The following COL14A1 variants were observed in gnomAD, a reference collection of about 807,000 sequenced individuals.
The protein encoded by COL14A1 is collagen type XIV alpha 1 chain, also known as collagen alpha-1(XIV) chain.
In COL14A1, 136 loss-of-function variants were observed where a neutral mutation model predicts 230.3. The ratio of observed to expected loss-of-function variants is 0.59; its 90% CI spans 0.51 to 0.68. The LOEUF (loss-of-function observed/expected upper bound fraction) is 0.68. Among genes scored for constraint, COL14A1 ranks in the 30% least tolerant of loss-of-function variants. The pLI is 0.00. For synonymous variants in COL14A1, 792 were observed against 784.1 expected, an observed-to-expected ratio of 1.01 and a Z score of -0.17; for missense variants, 1,976 against 2,215.8, an observed-to-expected ratio of 0.89 and a Z score of 2.17.
Position 120,226,699 on chromosome 8 carries a change from C to T in COL14A1, c.1937C>T (p.Pro646Leu). Residue 646 changes from proline (P) to leucine (L), a missense_variant, in exon 16 of 48, where the codon CCC (proline) becomes CTC (leucine). By Grantham distance (98) the Pro-to-Leu change is moderately conservative. Around this residue, in one of 3 missense-constraint regions of COL14A1, gnomAD observed 1,791 missense variants for 2,019.5 expected, o/e 0.89. Transcript: ENST00000297848. ...GACAGTTTTAGGGTGACCTGGCATC[C>T]CCTCTCAGCTGATGAAGGGCTACAC... ...TTDSFRVTWH[P>L]LSADEGLHKL... 6.2e-7 allele frequency: 1 copy of T among 1,613,750 alleles called. No homozygotes were observed. The highest frequency in any genetic ancestry group is 8.5e-7 in the Non-Finnish European group (1 of 1,179,772).
At chr8:120,244,932 A>T (rs1009897782) in intron 20 of COL14A1, among the ~76,000 whole-genome samples, 4 of 152,052 alleles carry the variant, frequency 2.6e-5, no homozygotes, top group African/African-American at 9.7e-5. Context: ...CCTTACAAAG[A>T]TCAACCTACC....
At chr8:120,326,560 G>A (rs1821676025) in intron 40 of COL14A1, among the ~76,000 whole-genome samples, 1 of 152,072 alleles carries the variant, frequency 6.6e-6, no homozygotes, top group Admixed American at 6.6e-5. Flanking sequence ...TTTATGAGAT[G>A]GAAAATGTGA....
rs994646696 is a variant in COL14A1 at position 120,212,630 on chromosome 8, G to A, written c.1597+53G>A. ...TGCTGTAGTAAAAGCCCACATGAAT[G>A]TGGGGATTCTGAATTGGAACTACTA... On this transcript the variant is annotated intron_variant, in intron 13 of 47. Coordinates refer to ENST00000297848, the MANE Select transcript of COL14A1 (RefSeq NM_021110.4). 5 of 1,602,354 alleles carry A rather than the reference G, an allele frequency of 3.1e-6. No homozygotes were observed. The East Asian group carries it at 6.7e-5, about 22-fold the overall frequency.
intron 19 of COL14A1, among the ~76,000 whole-genome samples, chr8:120,242,066 C>A (rs1818622958): frequency 6.6e-6 from 1 of 152,070 alleles, no homozygotes; most frequent in African/African-American, 2.4e-5. Flanking sequence ...ATAAAATTAC[C>A]TTCAGATTAT....
chr8:120,165,624 G>A (rs1815839298), intron 4 of COL14A1, among the ~76,000 whole-genome samples: 1 of 152,078 alleles, frequency 6.6e-6, no homozygotes, highest in Non-Finnish European at 1.5e-5. Flanking sequence ...CCCTACATGA[G>A]GAAGACATAT....
At chr8:120,177,812 A>T (rs1448312641) in intron 5 of COL14A1, among the ~76,000 whole-genome samples, 2 of 151,422 alleles carry the variant, frequency 1.3e-5, no homozygotes, top group African/African-American at 2.4e-5. Flanking sequence ...AACCATGATA[A>T]GGAAAATAGG....
At chr8:120,248,394 C>T (rs1484025759) in intron 21 of COL14A1, among the ~76,000 whole-genome samples, 1 of 152,102 alleles carries the variant, frequency 6.6e-6, no homozygotes, top group African/African-American at 2.4e-5. Context: ...TGCCCCAGCA[C>T]CTCTTACAGT....
intron 3 of COL14A1, among the ~76,000 whole-genome samples, chr8:120,160,068 C>T (rs773099197): frequency 6.6e-5 from 10 of 152,132 alleles, no homozygotes; most frequent in Non-Finnish European, 1.2e-4. Context: ...CAGATGTCCA[C>T]TTTTCCCATG....
intron 24 of COL14A1, among the ~76,000 whole-genome samples, chr8:120,266,297 T>C (rs1819499411): frequency 6.6e-6 from 1 of 152,012 alleles, no homozygotes; most frequent in African/African-American, 2.4e-5. Context: ...AAACACACTT[T>C]AGCCTGCCAA....
intron 21 of COL14A1, among the ~76,000 whole-genome samples, chr8:120,249,125 T>C (rs1341881871): frequency 3.5e-5 from 5 of 144,086 alleles, no homozygotes; most frequent in African/African-American, 1.3e-4. Flanking sequence ...AGAGACGGGG[T>C]TTCACCGTGG....
chr8:120,356,589 G>A (rs1268066937), intron 45 of COL14A1, among the ~76,000 whole-genome samples: 3 of 152,062 alleles, frequency 2.0e-5, no homozygotes, highest in Non-Finnish European at 4.4e-5. Context: ...TATGGGAGAT[G>A]GATATTAAGC....
intron 1 of COL14A1, among the ~76,000 whole-genome samples, chr8:120,134,844 G>A (rs1275134694): frequency 1.3e-5 from 2 of 152,244 alleles, no homozygotes; most frequent in Admixed American, 1.3e-4. Flanking sequence ...GTATGGTGGT[G>A]CATGCCTGTA....
intron 5 of COL14A1, among the ~76,000 whole-genome samples, chr8:120,185,460 G>A (rs947116185): frequency 1.3e-5 from 2 of 152,060 alleles, no homozygotes; most frequent in African/African-American, 2.4e-5. Flanking sequence ...TTCGAGACCA[G>A]CCAAGGCAAC....
chr8:120,193,989 C>T (rs1427529834), intron 5 of COL14A1, among the ~76,000 whole-genome samples: 1 of 152,188 alleles, frequency 6.6e-6, no homozygotes, highest in African/African-American at 2.4e-5. Flanking sequence ...ACTCCCTGAC[C>T]CCTTGCGCTT....
Position 120,278,479 on chromosome 8 carries a change from T to A in COL14A1, c.3382T>A (p.Ser1128Thr). ...YVRDTLFTAE[S>T]GTRRGIPKVI... ...TCGAGATACCTTGTTCACTGCAGAGTCAGGTACAAGAAGGGGCATCCCAAA... is the reference window on the plus strand; with the variant it reads ...TCGAGATACCTTGTTCACTGCAGAGACAGGTACAAGAAGGGGCATCCCAAA... Residue 1128 changes from serine (S) to threonine (T), a missense_variant, in exon 28 of 48, where the codon TCA (serine) becomes ACA (threonine). Ser to Thr is a moderately conservative substitution (Grantham distance 58). Transcript: ENST00000297848. 1.2e-6 allele frequency: 2 copies of A among 1,613,048 alleles called. No individual in the cohort carries two copies. The highest frequency in any genetic ancestry group is 1.7e-6 in the Non-Finnish European group (2 of 1,179,480).
At chr8:120,255,117 A>C (rs1311130505) in intron 22 of COL14A1, 123 bp from the exon 23 acceptor site, 1 of 737,882 alleles carries the variant, frequency 1.4e-6, no homozygotes, top group Non-Finnish European at 2.4e-6. Context: ...TTGTAAATTG[A>C]TGGATTTCCC....
At chr8:120,276,194 A>G (rs1056103982) in intron 26 of COL14A1, among the ~76,000 whole-genome samples, 1 of 151,478 alleles carries the variant, frequency 6.6e-6, no homozygotes, top group Non-Finnish European at 1.5e-5. Context: ...CATAAAAAAG[A>G]ACAAAGTAAT....
At chr8:120,341,996 T>G (rs1383836987) in intron 43 of COL14A1, among the ~76,000 whole-genome samples, 1 of 152,220 alleles carries the variant, frequency 6.6e-6, no homozygotes, top group Non-Finnish European at 1.5e-5. Context: ...TAAAATGGGT[T>G]TAACATCTTT....
At chr8:120,279,052 A>G (rs1586826829) in intron 28 of COL14A1, among the ~76,000 whole-genome samples, 1 of 151,952 alleles carries the variant, frequency 6.6e-6, no homozygotes. Context: ...ACACAGGAAC[A>G]GAAAACTAAA....
Sources: gnomAD v4.1 joint callset for allele counts (sites outside exome capture counted in the v4.1 genomes callset) on GRCh38, gnomAD v4.1.1 for gene constraint, gnomAD v4.1.1 regional missense constraint, MANE v1.5 for transcripts, NCBI Gene and HGNC (gene_info 2026-07-23, HGNC 2026-07-21) for gene names.